PDE4B: variants seen among roughly 807,000 people sequenced by gnomAD.
PDE4B encodes phosphodiesterase 4B.
In PDE4B, 20 loss-of-function variants were observed where a neutral mutation model predicts 82.2. The ratio of observed to expected loss-of-function variants is 0.24; its 90% CI spans 0.17 to 0.35. The LOEUF is 0.35. Ranked by LOEUF, PDE4B falls within the 10% of genes least tolerant of loss-of-function variation. The probability of loss-of-function intolerance (pLI) is 1.00; values close to 1 mark genes in which losing one functional copy is unlikely to be tolerated. For missense variants in PDE4B, 655 were observed against 907.2 expected (o/e 0.72, Z 3.57); for synonymous variants, 320 against 318.9 (o/e 1.00, Z -0.04).
intron 3 of PDE4B, among the ~76,000 whole-genome samples, chr1:65,966,147 C>A (rs926246875): frequency 6.6e-6 from 1 of 152,082 alleles, no homozygotes; most frequent in African/African-American, 2.4e-5. Flanking sequence ...ATTTAGAAAA[C>A]CCCATCATCT....
At chr1:66,157,475 T>G (rs1223533657) in intron 3 of PDE4B, among the ~76,000 whole-genome samples, 3 of 152,232 alleles carry the variant, frequency 2.0e-5, no homozygotes, top group Admixed American at 1.3e-4. Flanking sequence ...CCTACCTTTC[T>G]GTTCAAACTT....
intron 1 of PDE4B, among the ~76,000 whole-genome samples, chr1:65,825,222 C>T (rs1414781488): frequency 6.6e-6 from 1 of 152,058 alleles, no homozygotes; most frequent in East Asian, 1.9e-4. Context: ...ATTGCTCTTC[C>T]CCACCTCCCC....
chr1:66,007,962 T>C (rs1652244893), intron 3 of PDE4B, among the ~76,000 whole-genome samples: 1 of 152,136 alleles, frequency 6.6e-6, no homozygotes, highest in African/African-American at 2.4e-5. Flanking sequence ...ACAAGGTCCA[T>C]AGATACAGAG....
At chr1:65,951,284 C>T (rs1230519541) in intron 3 of PDE4B, among the ~76,000 whole-genome samples, 1 of 152,056 alleles carries the variant, frequency 6.6e-6, no homozygotes, top group Non-Finnish European at 1.5e-5. Context: ...TTTTCCTTTC[C>T]ATGTGCCAGT....
chr1:65,871,137 A>G (rs1646568119), intron 1 of PDE4B, among the ~76,000 whole-genome samples: 1 of 152,194 alleles, frequency 6.6e-6, no homozygotes, highest in South Asian at 2.1e-4. Context: ...CAAGATAGAT[A>G]CTTGGCTATT....
chr1:66,107,763 A>G (rs1189593216), intron 3 of PDE4B, among the ~76,000 whole-genome samples: 1 of 151,954 alleles, frequency 6.6e-6, no homozygotes, highest in Non-Finnish European at 1.5e-5. Context: ...TGTAAAATCC[A>G]AAACTATTCT....
intron 3 of PDE4B, among the ~76,000 whole-genome samples, chr1:66,047,326 A>G (rs1020791192): frequency 1.9e-4 from 29 of 151,836 alleles, no homozygotes; most frequent in African/African-American, 6.3e-4. Flanking sequence ...TTACTGGGTT[A>G]TTGAGTGGAT....
intron 3 of PDE4B, among the ~76,000 whole-genome samples, chr1:66,242,157 G>T (rs979877668): frequency 1.3e-5 from 2 of 152,194 alleles, no homozygotes; most frequent in Non-Finnish European, 2.9e-5. Flanking sequence ...TCAGGGCACA[G>T]ATTGTAAGGT....
At chr1:66,141,968 C>G (rs1002073582) in intron 3 of PDE4B, among the ~76,000 whole-genome samples, 1 of 152,096 alleles carries the variant, frequency 6.6e-6, no homozygotes, top group Non-Finnish European at 1.5e-5. Flanking sequence ...CTACTAATAG[C>G]CTACTGTTGC....
intron 1 of PDE4B, among the ~76,000 whole-genome samples, chr1:65,861,935 T>A (rs1297019304): frequency 1.3e-5 from 2 of 152,176 alleles, no homozygotes; most frequent in Non-Finnish European, 2.9e-5. Flanking sequence ...CTTATCAGCT[T>A]AAGGAGTTTT....
At chr1:65,992,114 GT>G (rs1287845144) in intron 3 of PDE4B, among the ~76,000 whole-genome samples, 3 of 152,070 alleles carry the variant, frequency 2.0e-5, no homozygotes, top group Non-Finnish European at 2.9e-5. Flanking sequence ...TATTGATGCT[GT>G]TTTGGATCTT....
chr1:66,173,792 G>T (rs1329138431), intron 3 of PDE4B, among the ~76,000 whole-genome samples: 1 of 151,920 alleles, frequency 6.6e-6, no homozygotes, highest in African/African-American at 2.4e-5. Context: ...TTTGTTTGTT[G>T]GTTTGTTTTT....
intron 3 of PDE4B, among the ~76,000 whole-genome samples, chr1:65,929,079 A>C (rs1039267934): frequency 2.0e-5 from 3 of 152,124 alleles, no homozygotes; most frequent in Admixed American, 2.0e-4. Flanking sequence ...CATGGGTCAC[A>C]CTCTCAACCT....
chr1:66,074,335 C>A (rs143522743), intron 3 of PDE4B, among the ~76,000 whole-genome samples: 1 of 152,188 alleles, frequency 6.6e-6, no homozygotes, highest in African/African-American at 2.4e-5. Flanking sequence ...TATCTCCTTT[C>A]TAATAGTGCT....
At chr1:66,092,078 C>A (rs927846600) in intron 3 of PDE4B, among the ~76,000 whole-genome samples, 1 of 151,860 alleles carries the variant, frequency 6.6e-6, no homozygotes, top group East Asian at 1.9e-4. Context: ...AATGAATGAC[C>A]AGGGCTCAAC....
chr1:66,079,378 G>A (rs1656607134), intron 3 of PDE4B, among the ~76,000 whole-genome samples: 1 of 152,082 alleles, frequency 6.6e-6, no homozygotes, highest in South Asian at 2.1e-4. Flanking sequence ...TGAGGATTTG[G>A]ACCCTTTATC....
At chr1:66,042,876 C>G (rs147588593) in intron 3 of PDE4B, 1 of 151,910 alleles carries the variant, frequency 6.6e-6, no homozygotes, top group African/African-American at 2.4e-5. Flanking sequence ...CCAACACCAA[C>G]AGTAATATAA....
intron 3 of PDE4B, among the ~76,000 whole-genome samples, chr1:65,925,220 G>T (rs1647431857): frequency 6.6e-6 from 1 of 152,140 alleles, no homozygotes; most frequent in Non-Finnish European, 1.5e-5. Flanking sequence ...AATAGCTAAT[G>T]CATGCTGGGC....
At chr1:66,258,472 A>G (rs914509744) in intron 6 of PDE4B, among the ~76,000 whole-genome samples, 2 of 152,194 alleles carry the variant, frequency 1.3e-5, no homozygotes, top group African/African-American at 4.8e-5. Context: ...ATCATTTCGA[A>G]TCTATGAGCT....
Sources: allele counts gnomAD v4.1 joint callset (sites outside exome capture counted in the v4.1 genomes callset), GRCh38; gene constraint gnomAD v4.1.1; transcripts MANE v1.5; gene names NCBI Gene and HGNC (gene_info 2026-07-23, HGNC 2026-07-21).